The following BORCS5 variants were observed in gnomAD, a reference collection of about 807,000 sequenced individuals.
BORCS5 encodes the protein BLOC-1-related complex subunit 5.
Under a neutral mutation model 22.1 loss-of-function variants are expected in BORCS5, and 17 were observed. The ratio of observed to expected loss-of-function variants is 0.77; its 90% CI spans 0.53 to 1.15. The LOEUF is 1.15. BORCS5 is among the 50% of genes most tolerant of loss of function. BORCS5 has a pLI of 0.00. For missense variants in BORCS5, 247 were observed against 253.2 expected (o/e 0.98, Z 0.17); for synonymous variants, 117 against 99.8 (o/e 1.17, Z -1.03).
At chr12:12,453,785 C>G (rs1004008716) in intron 3 of BORCS5, among the ~76,000 whole-genome samples, 1 of 152,156 alleles carries the variant, frequency 6.6e-6, no homozygotes, top group African/African-American at 2.4e-5. Context: ...AATTCCAGAA[C>G]ATTTTCATCT....
chr12:12,378,135 G>A (rs1182917802), intron 2 of BORCS5, among the ~76,000 whole-genome samples: 1 of 152,190 alleles, frequency 6.6e-6, no homozygotes, highest in Admixed American at 6.5e-5. Context: ...ATTTTGGGAG[G>A]CCTAGGCGGG....
chr12:12,398,284 A>T (rs1039237561), intron 2 of BORCS5, among the ~76,000 whole-genome samples: 3 of 151,240 alleles, frequency 2.0e-5, no homozygotes, highest in Non-Finnish European at 1.5e-5. Context: ...ACTCTTTAAA[A>T]TTTTTTTTTT....
intron 3 of BORCS5, among the ~76,000 whole-genome samples, chr12:12,438,036 A>G: frequency 6.6e-6 from 1 of 152,142 alleles, no homozygotes; most frequent in Non-Finnish European, 1.5e-5. Context: ...GCCAGACTCT[A>G]CCATTTTTTA....
intron 2 of BORCS5, among the ~76,000 whole-genome samples, chr12:12,405,698 G>A (rs899527584): frequency 2.6e-5 from 4 of 152,102 alleles, no homozygotes; most frequent in South Asian, 4.1e-4. Context: ...TTAAATTTTA[G>A]TAAATTATAA....
At chr12:12,411,425 A>G (rs1438128433) in intron 2 of BORCS5, among the ~76,000 whole-genome samples, 1 of 152,102 alleles carries the variant, frequency 6.6e-6, no homozygotes, top group African/African-American at 2.4e-5. Flanking sequence ...TTGCCCATTT[A>G]TGAATTGGGT....
At chr12:12,465,425 T>G in intron 3 of BORCS5, 121 bp from the exon 4 acceptor site, 2 of 844,588 alleles carry the variant, frequency 2.4e-6, no homozygotes, top group Non-Finnish European at 3.8e-6. Context: ...GGGTGCTTCC[T>G]GTAAAACTTG....
chr12:12,397,116 A>G (rs917814080), intron 2 of BORCS5, among the ~76,000 whole-genome samples: 1 of 152,114 alleles, frequency 6.6e-6, no homozygotes, highest in Non-Finnish European at 1.5e-5. Flanking sequence ...CTAGGAGGAT[A>G]TGTGTTGTCT....
chr12:12,402,834 GTCTT>G (rs1194322300), intron 2 of BORCS5, among the ~76,000 whole-genome samples: 1 of 152,144 alleles, frequency 6.6e-6, no homozygotes, highest in African/African-American at 2.4e-5. Context: ...ATGTTTTAAA[GTCTT>G]TGTTTCCTTC....
rs1257254472 is a variant in BORCS5, at chr12:12,413,964, C to T, written c.203-21664C>T. The stretch of plus-strand genomic sequence containing the variant: ...CCCCCCACCTCCCTCCCGGACGGGG[C>T]GGCTGGCCGGGCAGAGGGGTCCTCA... On this transcript the variant is annotated intron_variant, in intron 2 of 3. Transcript: ENST00000314565. 6.3e-5 allele frequency among the ~76,000 whole-genome samples: 3 copies of T among 47,558 alleles called. 1 individual carries two copies. The highest frequency in any genetic ancestry group is 1.2e-3 in the South Asian group (2 of 1,640). The allele number at this position is 47,558 out of a possible 152,430, so 31.2% of individuals were successfully genotyped here. A position where few individuals can be genotyped will look rare whatever the true frequency, so the allele number is the denominator to read the frequency against.
At chr12:12,377,008 A>G (rs146409086) in intron 2 of BORCS5, among the ~76,000 whole-genome samples, 115 of 152,326 alleles carry the variant, frequency 7.5e-4, no homozygotes, top group Non-Finnish European at 1.5e-3. Context: ...GTAATCTAGA[A>G]TTACTTATTT....
intron 2 of BORCS5, among the ~76,000 whole-genome samples, chr12:12,418,515 A>T (rs573227980): frequency 6.3e-4 from 96 of 152,226 alleles, no homozygotes; most frequent in African/African-American, 2.3e-3. Context: ...TTAGACCCCC[A>T]TCTCTACAAA....
intron 2 of BORCS5, among the ~76,000 whole-genome samples, chr12:12,395,057 T>C (rs1941300131): frequency 6.6e-6 from 1 of 151,928 alleles, no homozygotes; most frequent in South Asian, 2.1e-4. Flanking sequence ...GAATGATTAA[T>C]TGAGCTGAAC....
At chr12:12,412,346 AGTTTATTCCTAAGT>A (rs1427951342) in intron 2 of BORCS5, among the ~76,000 whole-genome samples, 1 of 151,994 alleles carries the variant, frequency 6.6e-6, no homozygotes, top group African/African-American at 2.4e-5. Context: ...TCCTTGGTTA[AGTTTATTCCTAAGT>A]GTTTTATTCT....
chr12:12,369,443 A>G (rs981994957), intron 2 of BORCS5, among the ~76,000 whole-genome samples: 2 of 151,494 alleles, frequency 1.3e-5, no homozygotes, highest in African/African-American at 4.9e-5. Flanking sequence ...TTTGCTCTTC[A>G]TTTTCTATTT....
intron 2 of BORCS5, among the ~76,000 whole-genome samples, chr12:12,369,198 CCT>C (rs1040099724): frequency 3.3e-5 from 5 of 152,098 alleles, no homozygotes; most frequent in African/African-American, 9.7e-5. Context: ...TGTTATTACC[CCT>C]GTCTTGTAGT....
chr12:12,403,961 T>C (rs548620108), intron 2 of BORCS5, among the ~76,000 whole-genome samples: 4 of 152,334 alleles, frequency 2.6e-5, no homozygotes, highest in African/African-American at 4.8e-5. Flanking sequence ...GGTATCACTT[T>C]TATCTTGTAG....
At chr12:12,409,600 G>A (rs866621906) in intron 2 of BORCS5, among the ~76,000 whole-genome samples, 3 of 152,064 alleles carry the variant, frequency 2.0e-5, no homozygotes, top group Non-Finnish European at 2.9e-5. Context: ...TGGTATATAT[G>A]TGCCACATTT....
At chr12:12,381,010 G>GTT (rs1814442263) in intron 2 of BORCS5, among the ~76,000 whole-genome samples, 1 of 136,486 alleles carries the variant, frequency 7.3e-6, no homozygotes, top group African/African-American at 3.1e-5. Context: ...TTTTTTGGGG[G>GTT]ATTTTTTTTT....
chr12:12,465,518 A>G (rs200826748), intron 3 of BORCS5, 28 bp from the exon 4 acceptor site: 2 of 1,594,264 alleles, frequency 1.3e-6, no homozygotes, highest in Admixed American at 1.7e-5. Context: ...TAAACAAGGT[A>G]TAATGTACTT....
Sources: gnomAD v4.1 joint callset for allele counts (sites outside exome capture counted in the v4.1 genomes callset) on GRCh38, gnomAD v4.1.1 for gene constraint, MANE v1.5 for transcripts, NCBI Gene and HGNC (gene_info 2026-07-23, HGNC 2026-07-21) for gene names.